The following FLT3 variants were observed in gnomAD, a reference collection of about 807,000 sequenced individuals.
FLT3 encodes the protein receptor-type tyrosine-protein kinase FLT3.
A neutral mutation model predicts 126.6 loss-of-function variants in FLT3; 46 were observed. The observed-to-expected ratio is 0.36, with a 90% CI of 0.29 to 0.46. FLT3 has a LOEUF of 0.46. FLT3 is among the 20% of genes least tolerant of loss of function. The pLI is 1.00. For synonymous variants in FLT3, 404 were observed against 434.4 expected (o/e 0.93, Z 0.87); for missense variants, 1,069 against 1,190.3 (o/e 0.90, Z 1.50).
In FLT3 at chr13:28,061,984, T is replaced by A. The variant is rs778119340; in HGVS notation, c.251A>T (p.Asp84Val). Reference sequence around the variant, plus strand: ...TTGCAGTGTGATGGAAGCAGATACATCCACTTCCACAGCGGCAGCTTCGTA... The same window carrying A: ...TTGCAGTGTGATGGAAGCAGATACAACCACTTCCACAGCGGCAGCTTCGTA... ...TVYEAAAVEV[D>V]VSASITLQVL... The change falls in exon 3 of 24, where the codon GAT becomes GTT. Residue 84 changes from aspartate (D) to valine (V), a missense_variant. Physicochemically the swap from Asp to Val is radical, Grantham distance 152. Transcript: ENST00000241453. 2 of 1,613,542 alleles carry A rather than the reference T, an allele frequency of 1.2e-6. 1 individual carries two copies. Among genetic ancestry groups the A allele is most frequent in the Admixed American group, 3.3e-5 (2 of 59,986 alleles).
chr13:28,065,192 C>T (rs1369094692), intron 2 of FLT3, among the ~76,000 whole-genome samples: 3 of 152,176 alleles, frequency 2.0e-5, no homozygotes, highest in Non-Finnish European at 4.4e-5. Context: ...AGCAAAACAT[C>T]TAAAGGGATT....
chr13:28,085,343 CAAAAAAAAAA>C (rs59478584), intron 1 of FLT3, among the ~76,000 whole-genome samples: 3 of 82,286 alleles, frequency 3.6e-5, no homozygotes, highest in East Asian at 3.3e-4. Flanking sequence ...GACTCCATCT[CAAAAAAAAAA>C]AAAAAAAAAA....
chr13:28,085,115 G>T (rs561111812), intron 1 of FLT3, among the ~76,000 whole-genome samples: 1 of 151,968 alleles, frequency 6.6e-6, no homozygotes, highest in African/African-American at 2.4e-5. Context: ...AGGCCGACAC[G>T]AGCGGATCAC....
intron 5 of FLT3, among the ~76,000 whole-genome samples, chr13:28,051,572 T>G: frequency 2.6e-5 from 3 of 115,264 alleles, no homozygotes; most frequent in Admixed American, 1.0e-4. Flanking sequence ...TGAGATGGAG[T>G]CTCGCTCTGT....
At chr13:28,015,750 C>A in intron 20 of FLT3, 49 bp from the exon 21 acceptor site, 1 of 1,081,026 alleles carries the variant, frequency 9.3e-7, no homozygotes, top group Middle Eastern at 2.0e-4. Context: ...CACATACAGA[C>A]ATGACTTCTT....
At position 28,056,079 on chromosome 13, in the gene FLT3, C is replaced by T. The variant is rs565794864; in HGVS notation, c.484+1268G>A. Among the ~76,000 whole-genome samples, 6 of 152,232 alleles carry T rather than the reference C, an allele frequency of 3.9e-5. No homozygotes were observed. In the South Asian group the frequency reaches 1.2e-3, roughly 32 times the overall value. Reference sequence around the variant, plus strand: ...AGGCTGACTTTAGAACCTTACTCCACCCCCAACCCCAGTAAGATGATGCTT... The same window carrying T: ...AGGCTGACTTTAGAACCTTACTCCATCCCCAACCCCAGTAAGATGATGCTT... On this transcript the variant is annotated intron_variant, in intron 4 of 23. Transcript: ENST00000241453.
At chr13:28,074,965 T>C (rs1877824232) in intron 1 of FLT3, among the ~76,000 whole-genome samples, 1 of 152,212 alleles carries the variant, frequency 6.6e-6, no homozygotes, top group Non-Finnish European at 1.5e-5. Flanking sequence ...ATTTTCCTCC[T>C]GACTAATGAA....
rs755720573 is a variant in FLT3, at chr13:28,015,250, T to C, written c.2660A>G (p.Asn887Ser). 38 of 1,597,772 alleles carry C rather than the reference T, an allele frequency of 2.4e-5. No individual in the cohort carries two copies. The South Asian group carries it at 4.2e-4, about 18-fold the overall frequency. The change falls in exon 22 of 24, where the codon AAT (asparagine) becomes AGT (serine). Residue 887 changes from asparagine to serine, a missense_variant. Physicochemically the swap from Asn to Ser is conservative, Grantham distance 46. Coordinates refer to ENST00000241453, the MANE Select transcript of FLT3 (RefSeq NM_004119.3). ...ATCAACCGGAATGCCAGGGTAAGGA[T>C]TCACACCTGAGGAAAACATTAGACA... The part of the protein sequence containing the change: ...LLWEIFSLGV[N>S]PYPGIPVDAN...
intron 9 of FLT3, among the ~76,000 whole-genome samples, chr13:28,040,534 T>C (rs955009498): frequency 2.6e-5 from 3 of 114,970 alleles, no homozygotes; most frequent in African/African-American, 8.1e-5. Context: ...AGATCCCATC[T>C]CTACAAAAAA....
intron 2 of FLT3, 75 bp downstream of exon 2, chr13:28,070,416 G>A: frequency 7.9e-7 from 1 of 1,269,316 alleles, no homozygotes; most frequent in Non-Finnish European, 1.1e-6. Flanking sequence ...ATTTAGCCAT[G>A]GTAGGCTTCA....
chr13:28,061,916 A>C lies in FLT3; in HGVS notation c.319T>G (p.Phe107Val). 1 of 1,614,192 alleles carries C rather than the reference A, an allele frequency of 6.2e-7. No homozygotes were observed. The highest frequency in any genetic ancestry group is 8.5e-7 in the Non-Finnish European group (1 of 1,180,014). Reference sequence around the variant, plus strand: ...TGGCAATTCAGGGAGCTGTGCTTAAAGACCCAGAGACAGGAAATGTTCCCT... The same window carrying C: ...TGGCAATTCAGGGAGCTGTGCTTAACGACCCAGAGACAGGAAATGTTCCCT... ...APGNISCLWV[F>V]KHSSLNCQPH... is the part of the protein sequence containing the mutation. The change falls in exon 3 of 24, where the codon TTT (phenylalanine) becomes GTT (valine). Residue 107 changes from phenylalanine (F) to valine (V), a missense_variant. Phe to Val is a conservative substitution (Grantham distance 50). Coordinates refer to ENST00000241453, the MANE Select transcript of FLT3 (RefSeq NM_004119.3).
chr13:28,077,353 T>C (rs571454100), intron 1 of FLT3, among the ~76,000 whole-genome samples: 8 of 152,254 alleles, frequency 5.3e-5, no homozygotes, highest in African/African-American at 1.4e-4. Flanking sequence ...TTCAGAATCA[T>C]GGCAGGAGGC....
In FLT3 at chr13:28,034,099, C is replaced by T. The variant is rs2137674628; in HGVS notation, c.1820G>A (p.Arg607Lys). Residue 607 changes from arginine (R) to lysine (K), a missense_variant, in exon 14 of 24, where the codon AGA becomes AAA. Physicochemically the swap from Arg to Lys is conservative, Grantham distance 26. Transcript: ENST00000241453. ...YEYDLKWEFP[R>K]ENLEFGKVLG... is the part of the protein sequence containing the mutation. ...ATTCTTACCAAACTCTAAATTTTCT[C>T]TTGGAAACTCCCATTTGAGATCATA... The T allele has an allele frequency of 6.2e-7, 1 of 1,613,624 alleles. No homozygotes were observed. Among genetic ancestry groups the T allele is most frequent in the South Asian group, 1.1e-5 (1 of 90,842 alleles).
At chr13:28,077,599 G>A (rs1380222806) in intron 1 of FLT3, among the ~76,000 whole-genome samples, 1 of 152,170 alleles carries the variant, frequency 6.6e-6, no homozygotes, top group South Asian at 2.1e-4. Flanking sequence ...TTGAGATTTG[G>A]GTGGTGACAC....
At position 28,100,421 on chromosome 13, in the gene FLT3, G is replaced by C; in HGVS notation, c.43+47C>G. The C allele has an allele frequency of 8.3e-7, 1 of 1,202,440 alleles. No homozygotes were observed. Among genetic ancestry groups the C allele is most frequent in the Admixed American group, 4.3e-5 (1 of 23,112 alleles). The allele number at this position is 1,202,440 out of a possible 1,614,324, so 74.5% of individuals were successfully genotyped here. ...CGCCCGGGTCCACACTGCGGGGTGG[G>C]GGCTGAGGGACCGCGAGGGGCTGCG... On this transcript the variant is annotated intron_variant, in intron 1 of 23. Transcript: ENST00000241453. The surrounding 1 kb of genome is among the most constrained non-coding windows in gnomAD (Gnocchi z 4.8).
In FLT3 at chr13:28,100,038, C is replaced by T. The variant is rs1197464058; in HGVS notation, c.43+430G>A. 6.6e-6 allele frequency among the ~76,000 whole-genome samples: 1 copy of T among 152,158 alleles called. No individual in the cohort carries two copies. Among genetic ancestry groups the T allele is most frequent in the East Asian group, 1.9e-4 (1 of 5,172 alleles). On this transcript the variant is annotated intron_variant, in intron 1 of 23. Transcript: ENST00000241453. The surrounding 1 kb of genome is among the most constrained non-coding windows in gnomAD (Gnocchi z 4.8). ...CAAAAGAAGAGTTAAAGACGACACC[C>T]AGGTGTCTACAGTATCCAAGGGCCG...
intron 5 of FLT3, among the ~76,000 whole-genome samples, chr13:28,050,948 A>G (rs1875395169): frequency 6.6e-6 from 1 of 152,230 alleles, no homozygotes; most frequent in African/African-American, 2.4e-5. Flanking sequence ...GTAAACATTT[A>G]TACCTTACTT....
At chr13:28,015,436 A>G (rs1361172825) in intron 21 of FLT3, among the ~76,000 whole-genome samples, 154 bp downstream of exon 21, 1 of 150,976 alleles carries the variant, frequency 6.6e-6, no homozygotes, top group African/African-American at 2.4e-5. Flanking sequence ...ACCAGTGAGG[A>G]AGACAGGCTA....
chr13:28,076,725 C>G (rs1362412595), intron 1 of FLT3, among the ~76,000 whole-genome samples: 1 of 152,208 alleles, frequency 6.6e-6, no homozygotes, highest in Non-Finnish European at 1.5e-5. Flanking sequence ...CCCAGGAATT[C>G]GAGACCAGCC....
Sources: allele counts gnomAD v4.1 joint callset (sites outside exome capture counted in the v4.1 genomes callset), GRCh38; gene constraint gnomAD v4.1.1; non-coding constraint Gnocchi (gnomAD v3.1); transcripts MANE v1.5; gene names NCBI Gene and HGNC (gene_info 2026-07-23, HGNC 2026-07-21).